Variants in CDH13 observed in about 807,000 individuals in gnomAD.
CDH13 encodes cadherin-13.
CDH13 carries 24 observed loss-of-function variants against 63.8 expected under a neutral mutation model. The observed-to-expected ratio is 0.38, with a 90% CI of 0.27 to 0.53. The LOEUF (loss-of-function observed/expected upper bound fraction) is 0.53, where lower values mean the gene tolerates loss of function less well. Among genes scored for constraint, CDH13 ranks in the 20% least tolerant of loss-of-function variants. The pLI is 0.85. For synonymous variants in CDH13, 503 were observed against 355.3 expected (o/e 1.42, Z -4.67); for missense variants, 1,049 against 903.1 (o/e 1.16, Z -2.07).
At chr16:83,379,668 A>G (rs543064465) in intron 6 of CDH13, among the ~76,000 whole-genome samples, 1 of 152,258 alleles carries the variant, frequency 6.6e-6, no homozygotes, top group Non-Finnish European at 1.5e-5. Context: ...ACAGACTTGA[A>G]GAAGAAAACC....
chr16:83,700,479 T>C (rs528671969), intron 10 of CDH13, among the ~76,000 whole-genome samples: 7 of 152,238 alleles, frequency 4.6e-5, no homozygotes, highest in Non-Finnish European at 1.0e-4. Context: ...GCACCTACTA[T>C]GTGCCAGGCA....
At position 83,277,811 on chromosome 16, in the gene CDH13, TATTTTTTTAGTA is replaced by T. The variant is rs565486967; in HGVS notation, c.636+60319_636+60330del. 7.9e-5 allele frequency among the ~76,000 whole-genome samples: 12 copies of T among 152,340 alleles called. No homozygotes were observed. In the East Asian group the frequency reaches 2.3e-3, roughly 29 times the overall value. ...TTTTTATGTTAAAAAGCTATGAGTT[TATTTTTTTAGTA>T]ATTTGGTAATCTTTTTAGGTTTTGT... On this transcript the variant is annotated intron_variant, in intron 5 of 13. Transcript: ENST00000567109.
At chr16:82,890,096 C>G (rs763584596) in intron 2 of CDH13, among the ~76,000 whole-genome samples, 1 of 152,228 alleles carries the variant, frequency 6.6e-6, no homozygotes, top group Non-Finnish European at 1.5e-5. Flanking sequence ...CAGTAAGTCT[C>G]CCAGCCTTCG....
At chr16:83,062,587 G>C (rs1040881375) in intron 3 of CDH13, among the ~76,000 whole-genome samples, 1 of 152,224 alleles carries the variant, frequency 6.6e-6, no homozygotes, top group African/African-American at 2.4e-5. Context: ...AAGCAAGGAA[G>C]TGATCGTCAG....
intron 2 of CDH13, among the ~76,000 whole-genome samples, chr16:82,968,941 A>G (rs1908282918): frequency 6.6e-6 from 1 of 152,028 alleles, no homozygotes; most frequent in Non-Finnish European, 1.5e-5. Context: ...ACAACATGGA[A>G]AAACCCCATC....
intron 4 of CDH13, among the ~76,000 whole-genome samples, chr16:83,135,803 CTG>C (rs2151665222): frequency 6.6e-6 from 1 of 152,324 alleles, no homozygotes; most frequent in East Asian, 1.9e-4. Flanking sequence ...GATAAAGAAA[CTG>C]TGACATATGT....
intron 2 of CDH13, among the ~76,000 whole-genome samples, chr16:83,028,553 T>G (rs903903829): frequency 6.6e-6 from 1 of 152,178 alleles, no homozygotes; most frequent in Non-Finnish European, 1.5e-5. Flanking sequence ...AGGGGATGTG[T>G]CACAAGACCT....
intron 7 of CDH13, 83 bp downstream of exon 7, chr16:83,486,738 T>C: frequency 7.5e-7 from 1 of 1,326,032 alleles, no homozygotes; most frequent in Non-Finnish European, 1.1e-6. Flanking sequence ...CTCCAGTCAG[T>C]GGTTTTTTTT....
At chr16:83,385,977 C>A (rs964922343) in intron 6 of CDH13, among the ~76,000 whole-genome samples, 10 of 152,194 alleles carry the variant, frequency 6.6e-5, no homozygotes, top group African/African-American at 2.4e-4. Flanking sequence ...ATAGCCAGCC[C>A]TATATTCTAG....
chr16:83,447,474 A>G (rs1000676141), intron 6 of CDH13, among the ~76,000 whole-genome samples: 4 of 152,062 alleles, frequency 2.6e-5, no homozygotes, highest in Non-Finnish European at 5.9e-5. Context: ...GTGGATCAGG[A>G]CTGTGGAAAG....
At chr16:82,938,013 A>G (rs1300911285) in intron 2 of CDH13, among the ~76,000 whole-genome samples, 1 of 152,242 alleles carries the variant, frequency 6.6e-6, no homozygotes, top group Non-Finnish European at 1.5e-5. Flanking sequence ...GTTAGCTTAC[A>G]TAATTTTCAT....
intron 1 of CDH13, among the ~76,000 whole-genome samples, chr16:82,854,235 T>TA (rs1357128018): frequency 1.3e-5 from 2 of 151,748 alleles, no homozygotes; most frequent in Non-Finnish European, 2.9e-5. Flanking sequence ...CTGTATCTAC[T>TA]AAAAAAATAC....
intron 10 of CDH13, among the ~76,000 whole-genome samples, chr16:83,706,371 C>G (rs1001516774): frequency 6.6e-6 from 1 of 152,168 alleles, no homozygotes; most frequent in African/African-American, 2.4e-5. Context: ...CTAACCCACA[C>G]TCTAGGGGAC....
At chr16:83,567,238 C>T (rs938528388) in intron 7 of CDH13, among the ~76,000 whole-genome samples, 1 of 152,242 alleles carries the variant, frequency 6.6e-6, no homozygotes, top group African/African-American at 2.4e-5. Context: ...CCATTGACTT[C>T]TTCGCCTTCC....
At chr16:83,789,561 C>G (rs1916120587) in intron 13 of CDH13, among the ~76,000 whole-genome samples, 1 of 151,938 alleles carries the variant, frequency 6.6e-6, no homozygotes, top group Admixed American at 6.6e-5. Flanking sequence ...GTTGGCCAGG[C>G]TGGTCTGAAA....
intron 2 of CDH13, among the ~76,000 whole-genome samples, chr16:82,964,171 G>A (rs1907468420): frequency 6.6e-6 from 1 of 152,182 alleles, no homozygotes; most frequent in Non-Finnish European, 1.5e-5. Context: ...GGCCTGCTCT[G>A]TATTAATAAA....
At chr16:83,419,303 A>T (rs1305717365) in intron 6 of CDH13, among the ~76,000 whole-genome samples, 1 of 152,222 alleles carries the variant, frequency 6.6e-6, no homozygotes, top group Non-Finnish European at 1.5e-5. Context: ...CATACAAGGT[A>T]TGCTGAATAA....
intron 6 of CDH13, among the ~76,000 whole-genome samples, chr16:83,459,921 C>A (rs556897249): frequency 6.6e-6 from 1 of 152,134 alleles, no homozygotes; most frequent in Non-Finnish European, 1.5e-5. Context: ...GTCTGATATG[C>A]AACAGGTTCT....
At chr16:83,550,638 T>A (rs1475349185) in intron 7 of CDH13, among the ~76,000 whole-genome samples, 1 of 152,236 alleles carries the variant, frequency 6.6e-6, no homozygotes, top group Non-Finnish European at 1.5e-5. Context: ...ATGCCTCTGA[T>A]GAATGTCTAG....
Sources: gnomAD v4.1 joint callset for allele counts (sites outside exome capture counted in the v4.1 genomes callset) on GRCh38, gnomAD v4.1.1 for gene constraint, MANE v1.5 for transcripts, NCBI Gene and HGNC (gene_info 2026-07-23, HGNC 2026-07-21) for gene names.